Variants in PPP3CA observed in about 807,000 individuals in gnomAD.
The protein encoded by PPP3CA is CAM-PRP catalytic subunit.
PPP3CA carries 14 observed loss-of-function variants against 66.5 expected under a neutral mutation model. The ratio of observed to expected loss-of-function variants is 0.21; its 90% CI spans 0.14 to 0.33. The LOEUF is 0.33. Among genes scored for constraint, PPP3CA ranks in the 10% least tolerant of loss-of-function variants. The pLI, the probability that PPP3CA is intolerant of heterozygous loss-of-function variation, is 1.00. For missense variants in PPP3CA, 317 were observed against 639.5 expected (o/e 0.50, Z 5.44); for synonymous variants, 232 against 226.2 (o/e 1.03, Z -0.23).
chr4:101,170,725 G>A (rs1025499889), intron 2 of PPP3CA, among the ~76,000 whole-genome samples: 3 of 151,956 alleles, frequency 2.0e-5, no homozygotes, highest in African/African-American at 4.8e-5. Context: ...GAATAATCAC[G>A]TTTCATCTAC....
intron 11 of PPP3CA, 76 bp from the exon 12 acceptor site, chr4:101,032,440 A>T: frequency 7.9e-7 from 1 of 1,257,912 alleles, no homozygotes; most frequent in Non-Finnish European, 1.1e-6. Context: ...GAAAGGAAAA[A>T]AAATGCATAT....
At chr4:101,322,401 C>T (rs998604814) in intron 1 of PPP3CA, among the ~76,000 whole-genome samples, 1 of 150,568 alleles carries the variant, frequency 6.6e-6, no homozygotes, top group African/African-American at 2.4e-5. Context: ...ACTAAATCTA[C>T]TGACATCTTT....
intron 2 of PPP3CA, among the ~76,000 whole-genome samples, chr4:101,139,683 G>A (rs1722736992): frequency 6.8e-6 from 1 of 147,504 alleles, no homozygotes; most frequent in Non-Finnish European, 1.5e-5. Flanking sequence ...TGACTTTTGA[G>A]GGTTTTTTTT....
At chr4:101,096,752 A>G (rs748136396) in intron 5 of PPP3CA, among the ~76,000 whole-genome samples, 3 of 152,206 alleles carry the variant, frequency 2.0e-5, no homozygotes, top group East Asian at 1.9e-4. Flanking sequence ...ACCTATTTCA[A>G]TAAGTGGTTA....
chr4:101,023,577 T>G lies in PPP3CA; in HGVS notation c.*2288A>C, dbSNP rs1410149330. ...GAAAATAAACACCATGATACCAGAATCACCATTTCTTTCACATCATCACTC... is the reference window on the plus strand; with the variant it reads ...GAAAATAAACACCATGATACCAGAAGCACCATTTCTTTCACATCATCACTC... On this transcript the variant is annotated 3_prime_UTR_variant, in exon 14 of 14. Transcript: ENST00000394854. The G allele has an allele frequency of 6.6e-6, 1 of 152,458 alleles. No homozygotes were observed. Among genetic ancestry groups the G allele is most frequent in the Non-Finnish European group, 1.5e-5 (1 of 68,036 alleles). 9.4% of individuals were successfully genotyped at this position (152,458 alleles called of 1,614,324 possible). A position where few individuals can be genotyped will look rare whatever the true frequency, so the allele number is the denominator to read the frequency against.
intron 2 of PPP3CA, among the ~76,000 whole-genome samples, chr4:101,126,919 A>G (rs17030795): frequency 0.2 from 30,217 of 152,114 alleles, 3,345 homozygotes; most frequent in Admixed American, 0.35. Flanking sequence ...CATTTATCCC[A>G]TGTTTAAGGA....
intron 2 of PPP3CA, among the ~76,000 whole-genome samples, chr4:101,139,696 G>GTTTTTTTTTTTT (rs372257350): frequency 4.1e-3 from 405 of 98,084 alleles, no homozygotes; most frequent in East Asian, 8.0e-3. Flanking sequence ...TTTTTTTTGT[G>GTTTTTTTTTTTT]TTTTTTTTTT....
chr4:101,247,522 T>C (rs1358805889), intron 1 of PPP3CA, among the ~76,000 whole-genome samples: 3 of 152,192 alleles, frequency 2.0e-5, no homozygotes, highest in Non-Finnish European at 4.4e-5. Flanking sequence ...TGTCCCATTA[T>C]ACTATTCTGC....
chr4:101,197,899 C>T (rs1348181282), intron 1 of PPP3CA, among the ~76,000 whole-genome samples: 1 of 152,074 alleles, frequency 6.6e-6, no homozygotes, highest in African/African-American at 2.4e-5. Flanking sequence ...AACAAATAAA[C>T]TACATTACTT....
chr4:101,280,992 A>G (rs895561895), intron 1 of PPP3CA, among the ~76,000 whole-genome samples: 15 of 152,148 alleles, frequency 9.9e-5, no homozygotes, highest in Admixed American at 7.9e-4. Context: ...GAGAGAGAAC[A>G]GCCTATGATG....
At chr4:101,108,504 G>T (rs1022890390) in intron 3 of PPP3CA, among the ~76,000 whole-genome samples, 1 of 152,156 alleles carries the variant, frequency 6.6e-6, no homozygotes, top group Non-Finnish European at 1.5e-5. Flanking sequence ...GGTGGCTCAC[G>T]CCTGTAATCC....
At chr4:101,261,864 A>C (rs1293837435) in intron 1 of PPP3CA, among the ~76,000 whole-genome samples, 2 of 149,486 alleles carry the variant, frequency 1.3e-5, no homozygotes, top group Non-Finnish European at 3.0e-5. Context: ...CCCCCCACCC[A>C]AAAAAAAAGC....
intron 8 of PPP3CA, among the ~76,000 whole-genome samples, chr4:101,079,968 CAGG>C (rs1173442027): frequency 6.6e-6 from 1 of 152,180 alleles, no homozygotes; most frequent in Non-Finnish European, 1.5e-5. Flanking sequence ...CAATTAACCA[CAGG>C]AACTCAGTCT....
In PPP3CA at chr4:101,320,666, T is replaced by C. The variant is rs369121961; in HGVS notation, c.58+26073A>G. On this transcript the variant is annotated intron_variant, in intron 1 of 13. Coordinates refer to ENST00000394854, the MANE Select transcript of PPP3CA (RefSeq NM_000944.5). Reference sequence around the variant, plus strand: ...TTGCCTAAAACATGACATACAGCTATTCCTTCATTCCAAACTTGAGTTAAA... The same window carrying C: ...TTGCCTAAAACATGACATACAGCTACTCCTTCATTCCAAACTTGAGTTAAA... 5.3e-5 allele frequency among the ~76,000 whole-genome samples: 8 copies of C among 152,260 alleles called. No individual in the cohort carries two copies. The South Asian group carries it at 1.7e-3, about 32-fold the overall frequency.
intron 10 of PPP3CA, among the ~76,000 whole-genome samples, chr4:101,052,865 A>G (rs933709991): frequency 1.3e-5 from 2 of 152,100 alleles, no homozygotes; most frequent in African/African-American, 2.4e-5. Context: ...CAGAAGTAGA[A>G]AAAGAAAGAT....
intron 1 of PPP3CA, among the ~76,000 whole-genome samples, chr4:101,214,210 A>T (rs1022236386): frequency 6.6e-6 from 1 of 152,144 alleles, no homozygotes; most frequent in Non-Finnish European, 1.5e-5. Flanking sequence ...GACTCCGATT[A>T]CATGTATTCA....
intron 2 of PPP3CA, among the ~76,000 whole-genome samples, chr4:101,131,277 T>TAAATAAATAAATAAATAAAA (rs1553927201): frequency 1.2e-4 from 17 of 140,262 alleles, no homozygotes; most frequent in African/African-American, 4.3e-4. Flanking sequence ...AATAAATAAA[T>TAAATAAATAAATAAATAAAA]AAAATAAAAA....
chr4:101,132,869 A>G (rs1031763558), intron 2 of PPP3CA, among the ~76,000 whole-genome samples: 10 of 152,218 alleles, frequency 6.6e-5, no homozygotes, highest in African/African-American at 2.4e-4. Context: ...TGGCAAACTG[A>G]ATACAGCAGC....
chr4:101,282,149 A>G (rs892971193), intron 1 of PPP3CA, among the ~76,000 whole-genome samples: 4 of 152,174 alleles, frequency 2.6e-5, no homozygotes, highest in Non-Finnish European at 5.9e-5. Context: ...CCACTACCAA[A>G]ATCATTTTAA....
Sources: gnomAD v4.1 joint callset for allele counts (sites outside exome capture counted in the v4.1 genomes callset) on GRCh38, gnomAD v4.1.1 for gene constraint, MANE v1.5 for transcripts, NCBI Gene and HGNC (gene_info 2026-07-23, HGNC 2026-07-21) for gene names.